The following KLHL5 variants were observed in gnomAD, a reference collection of about 807,000 sequenced individuals.
The protein encoded by KLHL5 is kelch like family member 5.
A neutral mutation model predicts 77.7 loss-of-function variants in KLHL5; 48 were observed. That is an observed-to-expected ratio of 0.62 (90% CI 0.49 to 0.79). The LOEUF is 0.79. KLHL5 is among the 30% of genes least tolerant of loss of function. The probability of loss-of-function intolerance (pLI) is 0.00; values close to 1 mark genes in which losing one functional copy is unlikely to be tolerated. For missense variants in KLHL5, 723 were observed against 859.7 expected (o/e 0.84, Z 1.99); for synonymous variants, 260 against 297.0 (o/e 0.88, Z 1.28).
chr4:39,129,219 GTTGCCCAGGCTGGAGTGCAGTGGCA>G (rs1306047828), downstream of KLHL5, among the ~76,000 whole-genome samples: 118 of 138,580 alleles, frequency 8.5e-4, no homozygotes, highest in East Asian at 0.02. The surrounding 1 kb of genome is among the most constrained non-coding windows in gnomAD (Gnocchi z 4.2). Flanking sequence ...GTCTTGCTCT[GTTGCCCAGGCTGGAGTGCAGTGGCA>G]TTGCCCAGGC....
intron 1 of KLHL5, among the ~76,000 whole-genome samples, chr4:39,052,654 G>A (rs1288544607): frequency 6.6e-6 from 1 of 152,214 alleles, no homozygotes; most frequent in East Asian, 1.9e-4. Context: ...GAGAATAAGA[G>A]AGGATTTAGA....
At chr4:39,075,908 AAG>A in intron 1 of KLHL5, 55 bp from the exon 2 acceptor site, 1 of 1,425,726 alleles carries the variant, frequency 7.0e-7, no homozygotes, top group Non-Finnish European at 9.7e-7. Flanking sequence ...CTTAATAGGA[AAG>A]ATCTTTTTAA....
intron 7 of KLHL5, among the ~76,000 whole-genome samples, 191 bp from the exon 8 acceptor site, chr4:39,107,378 G>C (rs1043479378): frequency 6.6e-6 from 1 of 151,850 alleles, no homozygotes; most frequent in African/African-American, 2.4e-5. Context: ...CAGAACTACC[G>C]TGCTATTTCA....
chr4:39,066,910 A>G (rs1223148927), intron 1 of KLHL5, among the ~76,000 whole-genome samples: 2 of 152,228 alleles, frequency 1.3e-5, no homozygotes, highest in African/African-American at 2.4e-5. Context: ...TTTTTTAAAA[A>G]GAAACTTTAT....
In KLHL5 at chr4:39,072,362, C is replaced by G. The variant is rs73808940; in HGVS notation, c.384-3603C>G. On this transcript the variant is annotated intron_variant, in intron 1 of 10. Transcript: ENST00000504108. ...AGCACTATGTATTATTTCTGTTTTG[C>G]TGTTAAAGAAAGTAAGCCTTAGAGA... is the stretch of plus-strand genomic sequence containing the variant. 6.0e-3 allele frequency among the ~76,000 whole-genome samples: 908 copies of G among 152,176 alleles called. 3 individuals carry two copies. Among genetic ancestry groups the G allele is most frequent in the African/African-American group, 0.021 (879 of 41,496 alleles).
intron 8 of KLHL5, among the ~76,000 whole-genome samples, chr4:39,108,941 A>G (rs1294494885): frequency 6.6e-6 from 1 of 152,216 alleles, no homozygotes; most frequent in Non-Finnish European, 1.5e-5. Flanking sequence ...TTCTAGGCAT[A>G]GAAACATCTT....
At position 39,107,717 on chromosome 4, in the gene KLHL5, A is replaced by G. The variant is rs201433421; in HGVS notation, c.1674A>G (p.Ala558=). The G allele has an allele frequency of 6.3e-7, 1 of 1,597,698 alleles. No individual in the cohort carries two copies. The highest frequency in any genetic ancestry group is 1.3e-5 in the African/African-American group (1 of 74,854). The part of the protein sequence containing the change: ...MSTPRSTVGV[A]VLSGKLYAVG... ...CCCCTAGGAGTACAGTAGGTGTGGCAGTACTAAGTGGAAAGTAAGGAAATA... is the reference window on the plus strand; with the variant it reads ...CCCCTAGGAGTACAGTAGGTGTGGCGGTACTAAGTGGAAAGTAAGGAAATA... Residue 558 remains alanine (A), a synonymous_variant, in exon 8 of 11, where the codon GCA becomes GCG. Coordinates refer to ENST00000504108, the MANE Select transcript of KLHL5 (RefSeq NM_015990.5).
chr4:39,128,671 ATAT>A (rs1309504173), downstream of KLHL5, among the ~76,000 whole-genome samples: 6 of 152,180 alleles, frequency 3.9e-5, no homozygotes, highest in Non-Finnish European at 8.8e-5. Context: ...TACATGACTA[ATAT>A]TATGGATGCT....
At position 39,062,497 on chromosome 4, in the gene KLHL5, G is replaced by C. The variant is rs201092126; in HGVS notation, c.-156G>C. ...TAAAATCTGATATATTGGCATAAAA[G>C]TAATTGTAGATATATATATGAATGT... On this transcript the variant is annotated 5_prime_UTR_variant, in exon 1 of 11. Transcript: ENST00000504108. 3 of 1,589,168 alleles carry C rather than the reference G, an allele frequency of 1.9e-6. No homozygotes were observed. In the Admixed American group the frequency reaches 5.3e-5, roughly 28 times the overall value.
chr4:39,080,980 C>A, intron 2 of KLHL5, 123 bp from the exon 3 acceptor site: 3 of 909,134 alleles, frequency 3.3e-6, no homozygotes, highest in Admixed American at 3.0e-5. Context: ...ATTTGTCAAG[C>A]TTAAAATGCA....
chr4:39,055,934 A>G (rs1716974503), intron 1 of KLHL5, among the ~76,000 whole-genome samples: 1 of 152,166 alleles, frequency 6.6e-6, no homozygotes, highest in Admixed American at 6.5e-5. Context: ...TCCCTCGTAT[A>G]CTTATAGGTA....
At chr4:39,132,308 T>C in the KLHL5 span, among the ~76,000 whole-genome samples, 1 of 152,136 alleles carries the variant, frequency 6.6e-6, no homozygotes, top group African/African-American at 2.4e-5. Context: ...AAGAAAATCT[T>C]CCCACAAAGA....
chr4:39,074,463 G>T (rs975681043), intron 1 of KLHL5, among the ~76,000 whole-genome samples: 1 of 152,142 alleles, frequency 6.6e-6, no homozygotes, highest in African/African-American at 2.4e-5. Context: ...AGAAAATATG[G>T]AAAAGCCATA....
Position 39,117,025 on chromosome 4 carries a change from C to T in KLHL5, c.2073+1695C>T, listed in dbSNP as rs183570419. Among the ~76,000 whole-genome samples, 368 of 152,116 alleles carry T rather than the reference C, an allele frequency of 2.4e-3. 1 individual carries two copies. The highest frequency in any genetic ancestry group is 8.0e-3 in the African/African-American group (330 of 41,502). On this transcript the variant is annotated intron_variant, in intron 10 of 10. Transcript: ENST00000504108. ...CTAATTTTTCTATTTTTAGTAGAGACGGGGTTTTGTCATGTTGGCCAGGCT... is the reference window on the plus strand; with the variant it reads ...CTAATTTTTCTATTTTTAGTAGAGATGGGGTTTTGTCATGTTGGCCAGGCT...
At chr4:39,089,247 G>A (rs1054510550) in intron 5 of KLHL5, among the ~76,000 whole-genome samples, 4 of 152,062 alleles carry the variant, frequency 2.6e-5, no homozygotes, top group Non-Finnish European at 4.4e-5. Flanking sequence ...AATGGTGAAG[G>A]TATACAAAAA....
downstream of KLHL5, among the ~76,000 whole-genome samples, chr4:39,128,791 G>A (rs919356179): frequency 6.6e-6 from 1 of 151,864 alleles, no homozygotes; most frequent in African/African-American, 2.4e-5. Context: ...GGGAGACCTC[G>A]TCTCTACAAA....
the KLHL5 span, among the ~76,000 whole-genome samples, chr4:39,136,968 T>C: frequency 2.0e-5 from 3 of 152,032 alleles, no homozygotes; most frequent in East Asian, 5.8e-4. Flanking sequence ...TAGCAGAAAT[T>C]GGAGATTGTT....
At chr4:39,061,520 A>G (rs890832021), upstream of KLHL5, among the ~76,000 whole-genome samples, 2 of 152,218 alleles carry the variant, frequency 1.3e-5, no homozygotes, top group East Asian at 1.9e-4. Flanking sequence ...TGTGTCCCTG[A>G]CAATGCCTAG....
At chr4:39,098,085 G>A (rs1269392731) in intron 6 of KLHL5, among the ~76,000 whole-genome samples, 2 of 147,634 alleles carry the variant, frequency 1.4e-5, no homozygotes, top group African/African-American at 5.0e-5. Flanking sequence ...GCAGTGAGCC[G>A]AGATTGCACC....
Sources: gnomAD v4.1 joint callset for allele counts (sites outside exome capture counted in the v4.1 genomes callset) on GRCh38, gnomAD v4.1.1 for gene constraint, Gnocchi (gnomAD v3.1) non-coding constraint, MANE v1.5 for transcripts, NCBI Gene and HGNC (gene_info 2026-07-23, HGNC 2026-07-21) for gene names.